FAM135B: variants seen among roughly 807,000 people sequenced by gnomAD.
The protein encoded by FAM135B is protein FAM135B.
FAM135B carries 43 observed loss-of-function variants against 127.7 expected under a neutral mutation model. The ratio of observed to expected loss-of-function variants is 0.34; its 90% CI spans 0.26 to 0.43. FAM135B has a LOEUF of 0.43. Among genes scored for constraint, FAM135B ranks in the 20% least tolerant of loss-of-function variants. The probability of loss-of-function intolerance (pLI) is 1.00; values close to 1 mark genes in which losing one functional copy is unlikely to be tolerated. For missense variants in FAM135B, 1,558 were observed against 1,725.6 expected, an observed-to-expected ratio of 0.90 and a Z score of 1.72; for synonymous variants, 670 against 665.1, an observed-to-expected ratio of 1.01 and a Z score of -0.11.
At chr8:138,277,714 G>A (rs1355956121) in intron 3 of FAM135B, among the ~76,000 whole-genome samples, 4 of 152,072 alleles carry the variant, frequency 2.6e-5, no homozygotes, top group Admixed American at 6.5e-5. Context: ...AAACTGTCAC[G>A]CTTTCAGCAA....
intron 5 of FAM135B, 29 bp downstream of exon 5, chr8:138,256,660 T>C: frequency 6.3e-7 from 1 of 1,597,352 alleles, no homozygotes; most frequent in Non-Finnish European, 8.6e-7. Context: ...ACTGTGCTAC[T>C]ACAATTCAAT....
At chr8:138,276,791 G>A (rs1225527894) in intron 3 of FAM135B, among the ~76,000 whole-genome samples, 1 of 152,072 alleles carries the variant, frequency 6.6e-6, no homozygotes. Context: ...TCAAAATTGG[G>A]GAGCACAGAG....
intron 2 of FAM135B, among the ~76,000 whole-genome samples, chr8:138,335,239 T>C (rs1045452901): frequency 2.0e-5 from 3 of 152,076 alleles, no homozygotes; most frequent in Admixed American, 6.6e-5. Context: ...ACTCGAGGGA[T>C]TTTCAGAGTC....
At chr8:138,203,344 G>T (rs1817294701) in intron 7 of FAM135B, among the ~76,000 whole-genome samples, 1 of 151,922 alleles carries the variant, frequency 6.6e-6, no homozygotes, top group African/African-American at 2.4e-5. Flanking sequence ...ACCCCACTTT[G>T]CCCAACACCC....
At position 138,368,080 on chromosome 8, in the gene FAM135B, C is replaced by T. The variant is rs112577086; in HGVS notation, c.-19-78G>A. The T allele has an allele frequency of 2.2e-5, 21 of 939,948 alleles. No individual in the cohort carries two copies. The African/African-American group carries it at 2.4e-4, about 11-fold the overall frequency. 58.2% of individuals were successfully genotyped at this position (939,948 alleles called of 1,614,324 possible). Reference sequence around the variant, plus strand: ...AGAACCTGGCTTTTACAACAGGAAACCAATCTGACCAACAGGACCAACAGG... The same window carrying T: ...AGAACCTGGCTTTTACAACAGGAAATCAATCTGACCAACAGGACCAACAGG... On this transcript the variant is annotated intron_variant, in intron 1 of 19. Coordinates refer to ENST00000395297, the MANE Select transcript of FAM135B (RefSeq NM_015912.4).
At chr8:138,195,659 A>C (rs77686570) in intron 8 of FAM135B, among the ~76,000 whole-genome samples, 8 of 147,068 alleles carry the variant, frequency 5.4e-5, no homozygotes, top group South Asian at 4.3e-4. Context: ...CACACACACA[A>C]ACACACACAC....
At chr8:138,159,951 T>A (rs1018503286) in intron 12 of FAM135B, among the ~76,000 whole-genome samples, 2 of 152,192 alleles carry the variant, frequency 1.3e-5, no homozygotes, top group Non-Finnish European at 2.9e-5. Context: ...TTGGCCATGC[T>A]GGAAAGACCA....
intron 7 of FAM135B, among the ~76,000 whole-genome samples, chr8:138,198,149 G>C (rs1220066133): frequency 3.3e-5 from 5 of 152,238 alleles, no homozygotes; most frequent in African/African-American, 4.8e-5. Context: ...TTTCCATGCT[G>C]TTCTCATGAT....
At chr8:138,171,844 T>C (rs1820481371) in intron 11 of FAM135B, among the ~76,000 whole-genome samples, 1 of 152,178 alleles carries the variant, frequency 6.6e-6, no homozygotes, top group Non-Finnish European at 1.5e-5. Flanking sequence ...TATGCAGGCA[T>C]GTGGTTACGG....
rs544812771 is a variant in FAM135B, at chr8:138,470,023, C to T, written c.-20+26648G>A. Among the ~76,000 whole-genome samples the T allele has an allele frequency of 1.1e-4, 17 of 152,238 alleles. No homozygotes were observed. The South Asian group carries it at 3.5e-3, about 32-fold the overall frequency. ...GATTAGCAAAAGCAGACACATTCTC[C>T]TCGACATGGAGTATGCAGGCTAGTG... is the stretch of plus-strand genomic sequence containing the variant. On this transcript the variant is annotated intron_variant, in intron 1 of 19. Coordinates refer to ENST00000395297, the MANE Select transcript of FAM135B (RefSeq NM_015912.4).
chr8:138,462,351 G>A (rs1378631214), intron 1 of FAM135B, among the ~76,000 whole-genome samples: 1 of 152,168 alleles, frequency 6.6e-6, no homozygotes, highest in Non-Finnish European at 1.5e-5. Flanking sequence ...ATTTGGTAGA[G>A]CAAGTTACAT....
chr8:138,287,981 A>G (rs1037333729), intron 3 of FAM135B, among the ~76,000 whole-genome samples: 1 of 152,244 alleles, frequency 6.6e-6, no homozygotes, highest in African/African-American at 2.4e-5. Context: ...TAACATGCTC[A>G]AGGAGCATTT....
intron 11 of FAM135B, among the ~76,000 whole-genome samples, chr8:138,176,631 C>T (rs1293114364): frequency 6.6e-6 from 1 of 152,196 alleles, no homozygotes; most frequent in East Asian, 1.9e-4. Context: ...GTGAAAAAGT[C>T]TCCACGTCCA....
intron 19 of FAM135B, among the ~76,000 whole-genome samples, chr8:138,135,034 G>T (rs1816521251): frequency 6.6e-6 from 1 of 152,152 alleles, no homozygotes; most frequent in Non-Finnish European, 1.5e-5. Context: ...AATATTTAAG[G>T]CTTTCCAGGA....
intron 2 of FAM135B, among the ~76,000 whole-genome samples, chr8:138,363,114 A>T (rs1222478305): frequency 6.6e-6 from 1 of 152,154 alleles, no homozygotes; most frequent in Non-Finnish European, 1.5e-5. Flanking sequence ...GAATTGTCTG[A>T]TGAGTGAGAG....
rs1017973932 is a variant in FAM135B at position 138,280,873 on chromosome 8, C to T, written c.158-15031G>A. Among the ~76,000 whole-genome samples, 5 of 152,016 alleles carry T rather than the reference C, an allele frequency of 3.3e-5. No homozygotes were observed. In the East Asian group the frequency reaches 9.7e-4, roughly 30 times the overall value. ...GTGGAAAGGGGAGAGGGTGCATCAT[C>T]GCATGCAGAGGAGGGGGCTCAGAGG... On this transcript the variant is annotated intron_variant, in intron 3 of 19. Transcript: ENST00000395297.
chr8:138,493,401 C>T (rs1815275220), intron 1 of FAM135B, among the ~76,000 whole-genome samples: 1 of 152,134 alleles, frequency 6.6e-6, no homozygotes, highest in Non-Finnish European at 1.5e-5. Flanking sequence ...AGGTGAAATA[C>T]AGGGAGGAGA....
At chr8:138,338,603 G>A (rs1215737486) in intron 2 of FAM135B, among the ~76,000 whole-genome samples, 2 of 150,844 alleles carry the variant, frequency 1.3e-5, no homozygotes, top group Admixed American at 6.6e-5. Flanking sequence ...TAAAAAGTCA[G>A]GAAACAACAG....
intron 1 of FAM135B, among the ~76,000 whole-genome samples, chr8:138,404,852 G>A (rs372353169): frequency 6.3e-4 from 96 of 152,172 alleles, no homozygotes; most frequent in African/African-American, 2.2e-3. Context: ...CTGAAGTCTT[G>A]AACCTCTTAA....
Sources: gnomAD v4.1 joint callset for allele counts (sites outside exome capture counted in the v4.1 genomes callset) on GRCh38, gnomAD v4.1.1 for gene constraint, MANE v1.5 for transcripts, NCBI Gene and HGNC (gene_info 2026-07-23, HGNC 2026-07-21) for gene names.